Variants in VIT observed in about 807,000 individuals in gnomAD.
The protein encoded by VIT is vitrin.
A neutral mutation model predicts 78.0 loss-of-function variants in VIT; 99 were observed. The ratio of observed to expected loss-of-function variants is 1.27; its 90% CI spans 1.08 to 1.50. The LOEUF (loss-of-function observed/expected upper bound fraction) is 1.50, where lower values mean the gene tolerates loss of function less well. Ranked by LOEUF, VIT falls within the 40% of genes most tolerant of loss-of-function variation. The pLI is 0.00. For synonymous variants in VIT, 374 were observed against 334.3 expected (o/e 1.12, Z -1.29); for missense variants, 1,126 against 875.3 (o/e 1.29, Z -3.61).
intron 1 of VIT, among the ~76,000 whole-genome samples, chr2:36,707,800 C>A (rs1244538264): frequency 1.3e-5 from 2 of 148,854 alleles, no homozygotes; most frequent in Non-Finnish European, 3.0e-5. Context: ...TGAGAAAAGG[C>A]AAAATTTCCC....
At position 36,733,497 on chromosome 2, in the gene VIT, G is replaced by A. The variant is rs1667329362; in HGVS notation, c.118+4006G>A. Among the ~76,000 whole-genome samples, 3 of 152,196 alleles carry A rather than the reference G, an allele frequency of 2.0e-5. No individual in the cohort carries two copies. The South Asian group carries it at 6.2e-4, about 31-fold the overall frequency. ...ATAGTAAAGTGTTAAGGAAGGTTGT[G>A]TTAGGGAAATGAAACAATCCTGCCA... On this transcript the variant is annotated intron_variant, in intron 3 of 15. Coordinates refer to ENST00000379242, the MANE Select transcript of VIT (RefSeq NM_053276.4).
chr2:36,752,333 C>T (rs901338666), intron 4 of VIT, among the ~76,000 whole-genome samples: 10 of 152,156 alleles, frequency 6.6e-5, no homozygotes, highest in Non-Finnish European at 7.3e-5. Flanking sequence ...CAGTGCCCAC[C>T]CTCAGAACAG....
At chr2:36,715,476 T>C (rs1181693677) in intron 1 of VIT, among the ~76,000 whole-genome samples, 1 of 148,316 alleles carries the variant, frequency 6.7e-6, no homozygotes, top group African/African-American at 2.5e-5. Flanking sequence ...GCAGAGGTTG[T>C]AGTGAGCCGA....
intron 15 of VIT, among the ~76,000 whole-genome samples, chr2:36,812,672 A>G (rs1383082091): frequency 6.6e-6 from 1 of 151,922 alleles, no homozygotes; most frequent in Non-Finnish European, 1.5e-5. Flanking sequence ...CTGTGACTCC[A>G]TGTTCTGCTC....
chr2:36,730,728 G>C (rs1667150393), intron 3 of VIT, among the ~76,000 whole-genome samples: 1 of 152,186 alleles, frequency 6.6e-6, no homozygotes, highest in African/African-American at 2.4e-5. Flanking sequence ...GGACATTGAA[G>C]GGTGAGGAGG....
intron 2 of VIT, among the ~76,000 whole-genome samples, chr2:36,723,424 C>T (rs1158754671): frequency 6.6e-6 from 1 of 152,116 alleles, no homozygotes; most frequent in Non-Finnish European, 1.5e-5. Flanking sequence ...TATACTTCAC[C>T]AACAGTGTTC....
chr2:36,795,284 G>A (rs12373628), intron 12 of VIT, among the ~76,000 whole-genome samples: 112,512 of 151,554 alleles, frequency 0.74, 42,144 homozygotes, highest in East Asian at 0.99. Context: ...TGGGGAAAAA[G>A]AATGGAGTCA....
chr2:36,722,417 T>A (rs2012248), intron 2 of VIT, among the ~76,000 whole-genome samples: 2 of 151,984 alleles, frequency 1.3e-5, no homozygotes, highest in East Asian at 3.9e-4. Context: ...GCTTTAAATA[T>A]CCTATGATTT....
At chr2:36,749,048 C>T (rs1045298535) in intron 4 of VIT, among the ~76,000 whole-genome samples, 2 of 152,200 alleles carry the variant, frequency 1.3e-5, no homozygotes, top group Non-Finnish European at 1.5e-5. Context: ...CATCTTTCAT[C>T]ATAGCACTCC....
At chr2:36,758,906 C>A in intron 5 of VIT, 63 bp from the exon 6 acceptor site, 2 of 1,420,074 alleles carry the variant, frequency 1.4e-6, no homozygotes, top group East Asian at 2.3e-5. Flanking sequence ...CAACTTAGTA[C>A]AGAACCATCT....
intron 11 of VIT, among the ~76,000 whole-genome samples, chr2:36,786,762 C>A (rs965914275): frequency 5.9e-5 from 9 of 152,256 alleles, no homozygotes; most frequent in Non-Finnish European, 1.2e-4. Flanking sequence ...AAGCCACACG[C>A]TCTTGCGACT....
chr2:36,783,333 T>C lies in VIT; in HGVS notation c.848-7T>C. 1 of 1,614,042 alleles carries C rather than the reference T, an allele frequency of 6.2e-7. No homozygotes were observed. Among genetic ancestry groups the C allele is most frequent in the Non-Finnish European group, 8.5e-7 (1 of 1,179,914 alleles). Reference sequence around the variant, plus strand: ...TAAGTCACCAAAAGTTTTACTGCTCTTTCCAGGACTTGTTCCAAAAGAAGA... The same window carrying C: ...TAAGTCACCAAAAGTTTTACTGCTCCTTCCAGGACTTGTTCCAAAAGAAGA... On this transcript the variant is annotated splice_region_variant and splice_polypyrimidine_tract_variant and intron_variant, in intron 10 of 15. Transcript: ENST00000379242.
chr2:36,717,333 AATGTGTGT>A (rs1285126398), intron 2 of VIT, among the ~76,000 whole-genome samples: 117 of 102,756 alleles, frequency 1.1e-3, no homozygotes, highest in African/African-American at 4.0e-3. Context: ...ACGCCTGGCT[AATGTGTGT>A]GTGTGTGTGT....
chr2:36,729,641 TC>T, intron 3 of VIT, 150 bp downstream of exon 3: 2 of 774,564 alleles, frequency 2.6e-6, no homozygotes, highest in Non-Finnish European at 2.0e-6. Context: ...ATAAGTCTTA[TC>T]CCCTACCACA....
chr2:36,813,164 A>G (rs986638848), intron 15 of VIT, among the ~76,000 whole-genome samples: 2 of 150,564 alleles, frequency 1.3e-5, no homozygotes, highest in African/African-American at 4.9e-5. Flanking sequence ...TAAAAATCCA[A>G]TGAGGCCAGG....
chr2:36,809,000 C>T lies in VIT; in HGVS notation c.1903+15C>T, dbSNP rs759615014. 1 of 1,561,592 alleles carries T rather than the reference C, an allele frequency of 6.4e-7. No individual in the cohort carries two copies. Among genetic ancestry groups the T allele is most frequent in the Non-Finnish European group, 8.7e-7 (1 of 1,149,622 alleles). On this transcript the variant is annotated intron_variant, in intron 15 of 15. Transcript: ENST00000379242. ...CCATCTGAAGGGTAAGCTGGGCTTG[C>T]CAAGCAGCCTGGTGCTGAGGCTGCT... is the stretch of plus-strand genomic sequence containing the variant.
chr2:36,762,680 G>A (rs1462587446), intron 6 of VIT, among the ~76,000 whole-genome samples: 2 of 152,092 alleles, frequency 1.3e-5, no homozygotes, highest in African/African-American at 2.4e-5. Flanking sequence ...AAGAGATGAA[G>A]GCTGAGCAGC....
chr2:36,811,614 CAA>C (rs1667175305), intron 15 of VIT, among the ~76,000 whole-genome samples: 1 of 151,966 alleles, frequency 6.6e-6, no homozygotes, highest in Admixed American at 6.6e-5. Context: ...TTCTGTACAA[CAA>C]GAGTGGACTT....
At chr2:36,775,458 G>A (rs1165692889) in intron 9 of VIT, among the ~76,000 whole-genome samples, 2 of 152,138 alleles carry the variant, frequency 1.3e-5, no homozygotes, top group African/African-American at 2.4e-5. Flanking sequence ...TGGCAAGGAG[G>A]CACATAACCT....
Sources: gnomAD v4.1 joint callset for allele counts (sites outside exome capture counted in the v4.1 genomes callset) on GRCh38, gnomAD v4.1.1 for gene constraint, MANE v1.5 for transcripts, NCBI Gene and HGNC (gene_info 2026-07-23, HGNC 2026-07-21) for gene names.